Variants in PLCH1 observed in about 807,000 individuals in gnomAD.
The protein encoded by PLCH1 is 1-phosphatidylinositol 4,5-bisphosphate phosphodiesterase eta-1.
A neutral mutation model predicts 126.7 loss-of-function variants in PLCH1; 60 were observed. That is an observed-to-expected ratio of 0.47 (90% CI 0.38 to 0.59). PLCH1 has a LOEUF of 0.59. PLCH1 is among the 20% of genes least tolerant of loss of function. The pLI, the probability that PLCH1 is intolerant of heterozygous loss-of-function variation, is 0.00. For missense variants in PLCH1, 1,723 were observed against 2,040.0 expected (o/e 0.84, Z 2.99); for synonymous variants, 719 against 734.9 (o/e 0.98, Z 0.35).
At position 155,482,104 on chromosome 3, in the gene PLCH1, G is replaced by A. The variant is rs755621135; in HGVS notation, c.3922C>T (p.Pro1308Ser). 1 of 1,614,130 alleles carries A rather than the reference G, an allele frequency of 6.2e-7. No homozygotes were observed. Among genetic ancestry groups the A allele is most frequent in the Non-Finnish European group, 8.5e-7 (1 of 1,180,026 alleles). The change falls in exon 23 of 23, where the codon CCA becomes TCA. Residue 1308 changes from proline to serine, a missense_variant. Pro to Ser is a moderately conservative substitution (Grantham distance 74). Transcript: ENST00000460012. ...GSPNTSRGWL[P>S]KSPTKGEDWE... ...TCTTCTCCCTTGGTAGGACTTTTTG[G>A]TAACCAGCCACGAGAAGTATTAGGG...
chr3:155,537,666 T>C (rs530254031), intron 10 of PLCH1, among the ~76,000 whole-genome samples: 1 of 152,194 alleles, frequency 6.6e-6, no homozygotes, highest in South Asian at 2.1e-4. Flanking sequence ...CACTATACCA[T>C]GATAAAAGAA....
intron 8 of PLCH1, among the ~76,000 whole-genome samples, chr3:155,554,695 T>C (rs1726580100): frequency 6.6e-6 from 1 of 152,218 alleles, no homozygotes; most frequent in South Asian, 2.1e-4. Flanking sequence ...ACTACAGTAG[T>C]TATAAAATAA....
intron 4 of PLCH1, among the ~76,000 whole-genome samples, chr3:155,590,808 T>G (rs567403067): frequency 6.6e-6 from 1 of 152,290 alleles, no homozygotes; most frequent in Non-Finnish European, 1.5e-5. Context: ...GACAAATATG[T>G]ATGAAAATGA....
intron 21 of PLCH1, among the ~76,000 whole-genome samples, chr3:155,467,254 C>G (rs1326137558): frequency 2.8e-5 from 4 of 142,948 alleles, no homozygotes; most frequent in African/African-American, 1.0e-4. Context: ...GTCTTCTGAC[C>G]AAAAAAAAAA....
chr3:155,571,239 T>G (rs1410680975), intron 6 of PLCH1, among the ~76,000 whole-genome samples: 5 of 152,128 alleles, frequency 3.3e-5, no homozygotes. Flanking sequence ...TTTGCAAAAA[T>G]TCTAATATTG....
chr3:155,603,672 T>C (rs1011256220), intron 2 of PLCH1, among the ~76,000 whole-genome samples: 9 of 152,270 alleles, frequency 5.9e-5, no homozygotes, highest in Non-Finnish European at 1.2e-4. Flanking sequence ...CCATAAATGT[T>C]ATTTTATCTT....
intron 18 of PLCH1, among the ~76,000 whole-genome samples, chr3:155,492,206 AG>A (rs61541052): frequency 0.078 from 11,872 of 152,192 alleles, 967 homozygotes; most frequent in African/African-American, 0.21. Context: ...GAAGCCAAGA[AG>A]GTATAATGGA....
intron 10 of PLCH1, among the ~76,000 whole-genome samples, chr3:155,528,053 A>G: frequency 6.7e-6 from 1 of 149,260 alleles, no homozygotes. Flanking sequence ...GTGAAACCTC[A>G]TCTGTACTAA....
chr3:155,572,667 T>C (rs2108547676), intron 6 of PLCH1, among the ~76,000 whole-genome samples: 1 of 152,218 alleles, frequency 6.6e-6, no homozygotes, highest in South Asian at 2.1e-4. Context: ...TTGTTTGTTC[T>C]TCTCATGCTT....
At chr3:155,630,293 A>G (rs1737876826) in intron 2 of PLCH1, among the ~76,000 whole-genome samples, 1 of 152,272 alleles carries the variant, frequency 6.6e-6, no homozygotes, top group South Asian at 2.1e-4. Flanking sequence ...TTTAGCATTT[A>G]AAGCTAAGAT....
chr3:155,461,434 G>A lies in PLCH1; in HGVS notation c.2938+23922C>T, dbSNP rs539323210. 4.6e-5 allele frequency among the ~76,000 whole-genome samples: 7 copies of A among 152,228 alleles called. No homozygotes were observed. The East Asian group carries it at 1.2e-3, about 25-fold the overall frequency. The stretch of plus-strand genomic sequence containing the variant: ...TCATGAGCATGGTCTTAATAGAAAC[G>A]CCCAGAAAAAGGTTGAGAAGCACAG... On this transcript the variant is annotated intron_variant, in intron 21 of 21. Coordinates refer to the PLCH1 transcript ENST00000494598.
At chr3:155,575,458 C>A (rs1374553313) in intron 6 of PLCH1, among the ~76,000 whole-genome samples, 1 of 152,080 alleles carries the variant, frequency 6.6e-6, no homozygotes, top group Non-Finnish European at 1.5e-5. Context: ...ATTTTCAGAG[C>A]TACTACACGG....
intron 1 of PLCH1, chr3:155,743,768 G>A: frequency 3.2e-6 from 1 of 310,656 alleles, no homozygotes; most frequent in Non-Finnish European, 6.2e-6. Context: ...CAGGACATGG[G>A]TGCTGCTGGG....
intron 10 of PLCH1, among the ~76,000 whole-genome samples, chr3:155,529,389 GTT>G (rs35587000): frequency 1.0e-4 from 15 of 149,430 alleles, no homozygotes; most frequent in South Asian, 2.1e-4. Context: ...ATTACTATTT[GTT>G]TTTTTTTTTC....
chr3:155,717,884 C>CA (rs965026025), intron 1 of PLCH1, among the ~76,000 whole-genome samples: 1 of 152,022 alleles, frequency 6.6e-6, no homozygotes, highest in Non-Finnish European at 1.5e-5. Context: ...ATTCCTCTCC[C>CA]AAAAAAAGTG....
chr3:155,566,965 G>C (rs763043210), intron 7 of PLCH1, among the ~76,000 whole-genome samples: 2 of 152,092 alleles, frequency 1.3e-5, no homozygotes, highest in South Asian at 4.1e-4. Context: ...ATCTTTTCAG[G>C]CCTCACCAAA....
intron 1 of PLCH1, among the ~76,000 whole-genome samples, chr3:155,732,413 G>T (rs925773856): frequency 1.3e-5 from 2 of 151,790 alleles, no homozygotes; most frequent in Non-Finnish European, 1.5e-5. Context: ...GAGGCCGGGT[G>T]CAGTGGCTCA....
chr3:155,523,211 C>T (rs1051811459), intron 11 of PLCH1, among the ~76,000 whole-genome samples: 3 of 152,048 alleles, frequency 2.0e-5, no homozygotes, highest in African/African-American at 7.2e-5. Flanking sequence ...CTCCTGACCT[C>T]GTGATCTGCC....
intron 10 of PLCH1, among the ~76,000 whole-genome samples, chr3:155,544,061 T>A (rs1283120934): frequency 6.7e-6 from 1 of 149,726 alleles, no homozygotes; most frequent in East Asian, 1.9e-4. Flanking sequence ...TTAAATGGAC[T>A]AAATGCTCCA....
Sources: gnomAD v4.1 joint callset for allele counts (sites outside exome capture counted in the v4.1 genomes callset) on GRCh38, gnomAD v4.1.1 for gene constraint, MANE v1.5 for transcripts, NCBI Gene and HGNC (gene_info 2026-07-23, HGNC 2026-07-21) for gene names.